The following BUB1 variants were observed in gnomAD, a reference collection of about 807,000 sequenced individuals.
The protein encoded by BUB1 is mitotic checkpoint serine/threonine-protein kinase BUB1.
Under a neutral mutation model 135.2 loss-of-function variants are expected in BUB1, and 84 were observed. That is an observed-to-expected ratio of 0.62 (90% CI 0.52 to 0.74). The LOEUF is 0.74. Among genes scored for constraint, BUB1 ranks in the 30% least tolerant of loss-of-function variants. BUB1 has a pLI of 0.00. For synonymous variants in BUB1, 403 were observed against 434.4 expected, an observed-to-expected ratio of 0.93 and a Z score of 0.90; for missense variants, 1,162 against 1,288.3, an observed-to-expected ratio of 0.90 and a Z score of 1.50.
rs1801328 is a variant in BUB1, at chr2:110,674,203, C to A, written c.108G>T (p.Glu36Asp). 8.1e-6 allele frequency: 13 copies of A among 1,605,626 alleles called. No homozygotes were observed. The highest frequency in any genetic ancestry group is 1.1e-5 in the Non-Finnish European group (13 of 1,173,696). ...EWERYIQWVE[E>D]NFPENKEYLI... is the part of the protein sequence containing the mutation. Reference sequence around the variant, plus strand: ...AGTATTCTTTATTCTCAGGAAAATTCTCTTCTACCCACTGTATGTATCTAG... The same window carrying A: ...AGTATTCTTTATTCTCAGGAAAATTATCTTCTACCCACTGTATGTATCTAG... Residue 36 changes from glutamate to aspartate, a missense_variant, in exon 3 of 25, where the codon GAG (glutamate) becomes GAT (aspartate). By Grantham distance (45) the Glu-to-Asp change is conservative. Transcript: ENST00000302759.
At chr2:110,676,973 A>G (rs1372237284) in intron 1 of BUB1, among the ~76,000 whole-genome samples, 1 of 152,224 alleles carries the variant, frequency 6.6e-6, no homozygotes, top group African/African-American at 2.4e-5. Flanking sequence ...GTCTTATAGC[A>G]GAGGGACAAA....
At chr2:110,655,010 T>C (rs1052750320) in intron 16 of BUB1, among the ~76,000 whole-genome samples, 1 of 152,212 alleles carries the variant, frequency 6.6e-6, no homozygotes, top group Admixed American at 6.5e-5. Flanking sequence ...TCTGCAGGGG[T>C]TCCTGGAACC....
chr2:110,674,581 T>A (rs1290196942), intron 1 of BUB1, among the ~76,000 whole-genome samples: 1 of 152,198 alleles, frequency 6.6e-6, no homozygotes, highest in Non-Finnish European at 1.5e-5. Context: ...TCAGACATAG[T>A]CAGAAAACTC....
chr2:110,667,676 G>A lies in BUB1; in HGVS notation c.650C>T (p.Ser217Leu). ...CAAAGATGAGTGCACAGAATATTCT[G>A]ATTTAGAAATCGTGATCACTCTTCG... is the stretch of plus-strand genomic sequence containing the variant. ...MERRVITISK[S>L]EYSVHSSLAS... The change falls in exon 8 of 25, where the codon TCA (serine) becomes TTA (leucine). Residue 217 changes from serine to leucine, a missense_variant. Physicochemically the swap from Ser to Leu is moderately radical, Grantham distance 145 (BLOSUM62 -2). Transcript: ENST00000302759. The A allele has an allele frequency of 6.2e-7, 1 of 1,613,182 alleles. No homozygotes were observed. The highest frequency in any genetic ancestry group is 8.5e-7 in the Non-Finnish European group (1 of 1,179,772).
intron 19 of BUB1, 30 bp from the exon 20 acceptor site, chr2:110,642,264 T>C (rs1438188570): frequency 3.5e-6 from 5 of 1,408,476 alleles, no homozygotes; most frequent in Non-Finnish European, 4.9e-6. Context: ...TTTTAATTTA[T>C]GTACGCCTTT....
Position 110,661,626 on chromosome 2 carries a change from C to G in BUB1, c.1173G>C (p.Gln391His). Residue 391 changes from glutamine to histidine, a missense_variant, in exon 10 of 25, where the codon CAG becomes CAC. Physicochemically the swap from Gln to His is conservative, Grantham distance 24 (BLOSUM62 0). Transcript: ENST00000302759. ...SIAPPVPLKA[Q>H]TVTDSMFAVA... ...CTGCAAACATGGAGTCTGTTACTGT[C>G]TGGGCTTTCAAAGGAACAGGAGGAG... 1 of 1,614,184 alleles carries G rather than the reference C, an allele frequency of 6.2e-7. No homozygotes were observed. The highest frequency in any genetic ancestry group is 2.2e-5 in the East Asian group (1 of 44,884).
rs184671906 is a variant in BUB1 at position 110,663,109 on chromosome 2, T to C, written c.958-1268A>G. Among the ~76,000 whole-genome samples the C allele has an allele frequency of 5.3e-3, 805 of 152,194 alleles. 12 individuals are homozygous for C. The highest frequency in any genetic ancestry group is 0.019 in the African/African-American group (770 of 41,532). ...GCCTGGCCAACATAGTGAAACCTCA[T>C]CTTTATTAAAAATAGAAAAAATTAG... is the stretch of plus-strand genomic sequence containing the variant. On this transcript the variant is annotated intron_variant, in intron 9 of 24. Transcript: ENST00000302759.
At chr2:110,665,548 T>TA (rs750197290) in intron 9 of BUB1, among the ~76,000 whole-genome samples, 14 of 143,118 alleles carry the variant, frequency 9.8e-5, no homozygotes, top group Middle Eastern at 3.6e-3. Flanking sequence ...GTCTAAAAAT[T>TA]AAAAAAAAAA....
chr2:110,663,269 G>A (rs1690149499), intron 9 of BUB1, among the ~76,000 whole-genome samples: 1 of 152,024 alleles, frequency 6.6e-6, no homozygotes, highest in African/African-American at 2.4e-5. Context: ...GATAGTGGGA[G>A]ATTCCGTCTC....
intron 17 of BUB1, 28 bp from the exon 18 acceptor site, chr2:110,650,812 C>T (rs746652851): frequency 1.9e-6 from 3 of 1,555,686 alleles, no homozygotes; most frequent in African/African-American, 2.7e-5. Context: ...ATAAAGAAAC[C>T]AAAACACCAC....
intron 4 of BUB1, among the ~76,000 whole-genome samples, chr2:110,671,570 G>A (rs1364548932): frequency 6.6e-6 from 1 of 152,190 alleles, no homozygotes; most frequent in Non-Finnish European, 1.5e-5. Context: ...AATGAGAGGG[G>A]AAGAGTAAAC....
At chr2:110,640,991 AAC>A in intron 23 of BUB1, 41 bp downstream of exon 23, 1 of 1,512,056 alleles carries the variant, frequency 6.6e-7, no homozygotes. Context: ...TGATAAGCGC[AAC>A]ACAGAAAAAT....
chr2:110,657,567 T>A lies in BUB1; in HGVS notation c.1595A>T (p.Asp532Val). Residue 532 changes from aspartate (D) to valine (V), a missense_variant, in exon 14 of 25, where the codon GAT becomes GTT. Transcript: ENST00000302759. ...TTACCCATAATTTTCTTTGTTTCCA[T>A]CTTCAAACACATGAAAAGCAGATGA... ...SLSSAFHVFE[D>V]GNKENYGLPQ... 6.2e-7 allele frequency: 1 copy of A among 1,606,934 alleles called. No homozygotes were observed. The highest frequency in any genetic ancestry group is 8.5e-7 in the Non-Finnish European group (1 of 1,176,744).
chr2:110,649,027 G>T, intron 19 of BUB1: 1 of 399,714 alleles, frequency 2.5e-6, no homozygotes. Context: ...TGCCCTCTAT[G>T]AGTTATAGGA....
At chr2:110,677,474 C>A (rs1436031707) in intron 1 of BUB1, among the ~76,000 whole-genome samples, 1 of 152,056 alleles carries the variant, frequency 6.6e-6, no homozygotes, top group Non-Finnish European at 1.5e-5. Context: ...CAATAATGAG[C>A]AAAGCTATTT....
At chr2:110,658,573 A>G in intron 12 of BUB1, 41 bp downstream of exon 12, 1 of 1,613,898 alleles carries the variant, frequency 6.2e-7, no homozygotes, top group Non-Finnish European at 8.5e-7. Context: ...GCTTTCATTA[A>G]CTTGTCATCA....
chr2:110,669,133 T>TAGGG (rs1429484303), intron 6 of BUB1, among the ~76,000 whole-genome samples: 1 of 151,966 alleles, frequency 6.6e-6, no homozygotes, highest in Non-Finnish European at 1.5e-5. Flanking sequence ...CCATTCCCAG[T>TAGGG]AGGGATTTCC....
chr2:110,668,937 T>G (rs999930298), intron 6 of BUB1, among the ~76,000 whole-genome samples: 5 of 151,994 alleles, frequency 3.3e-5, no homozygotes, highest in African/African-American at 1.2e-4. Context: ...GGCGCTAGAG[T>G]GAACCTGGAA....
In BUB1 at chr2:110,637,912, GAGC is replaced by G; in HGVS notation, c.*49_*51del. 1 of 1,234,012 alleles carries G rather than the reference GAGC, an allele frequency of 8.1e-7. No individual in the cohort carries two copies. Among genetic ancestry groups the G allele is most frequent in the Non-Finnish European group, 1.1e-6 (1 of 929,302 alleles). 76.4% of individuals were successfully genotyped at this position (1,234,012 alleles called of 1,614,324 possible). A position where few individuals can be genotyped will look rare whatever the true frequency, so the allele number is the denominator to read the frequency against. ...AATGAAAAAAAAACAGGTTTAAAGT[GAGC>G]AGATTCATATTTACAGTGTGATTTT... On this transcript the variant is annotated 3_prime_UTR_variant, in exon 25 of 25. Transcript: ENST00000302759.
Sources: gnomAD v4.1 joint callset for allele counts (sites outside exome capture counted in the v4.1 genomes callset) on GRCh38, gnomAD v4.1.1 for gene constraint, MANE v1.5 for transcripts, NCBI Gene and HGNC (gene_info 2026-07-23, HGNC 2026-07-21) for gene names.